Variants in CLOCK observed in about 807,000 individuals in gnomAD.
The protein encoded by CLOCK is clock circadian regulator.
CLOCK carries 43 observed loss-of-function variants against 118.4 expected under a neutral mutation model. That is an observed-to-expected ratio of 0.36 (90% CI 0.28 to 0.47). The LOEUF (loss-of-function observed/expected upper bound fraction) is 0.47, where lower values mean the gene tolerates loss of function less well. Ranked by LOEUF, CLOCK falls within the 20% of genes least tolerant of loss-of-function variation. The pLI, the probability that CLOCK is intolerant of heterozygous loss-of-function variation, is 1.00. For missense variants in CLOCK, 846 were observed against 999.9 expected (o/e 0.85, Z 2.08); for synonymous variants, 326 against 339.2 (o/e 0.96, Z 0.43).
rs1487365947 is a variant in CLOCK at position 55,432,873 on chromosome 4, T to G, written c.*2542A>C. ...CCCGACTATTTGTGGAGATGGGAAA[T>G]AATTGAAGGGGCTGGAGTAGGACAA... On this transcript the variant is annotated 3_prime_UTR_variant, in exon 23 of 23. Transcript: ENST00000513440. The G allele has an allele frequency of 6.6e-6, 1 of 152,532 alleles. No homozygotes were observed. The highest frequency in any genetic ancestry group is 1.5e-5 in the Non-Finnish European group (1 of 68,020). The allele number at this position is 152,532 out of a possible 1,614,324, so 9.4% of individuals were successfully genotyped here.
chr4:55,495,615 C>A (rs987393866), intron 2 of CLOCK, among the ~76,000 whole-genome samples: 36 of 152,100 alleles, frequency 2.4e-4, no homozygotes, highest in African/African-American at 8.5e-4. Context: ...CTTCACTCCA[C>A]GAAGGGTGTG....
At chr4:55,510,824 T>C (rs1040510477) in intron 1 of CLOCK, among the ~76,000 whole-genome samples, 4 of 151,998 alleles carry the variant, frequency 2.6e-5, no homozygotes, top group African/African-American at 7.3e-5. Context: ...AAGTCCAATG[T>C]AGATGTTCAG....
At chr4:55,507,809 G>A (rs1728906590) in intron 2 of CLOCK, among the ~76,000 whole-genome samples, 1 of 152,058 alleles carries the variant, frequency 6.6e-6, no homozygotes, top group Admixed American at 6.6e-5. Flanking sequence ...GACACTTACT[G>A]TGTGCCAAAT....
At chr4:55,511,950 T>C (rs1263977182) in intron 1 of CLOCK, among the ~76,000 whole-genome samples, 2 of 151,952 alleles carry the variant, frequency 1.3e-5, no homozygotes, top group East Asian at 1.9e-4. Context: ...AATTTCTTTT[T>C]GGCACTGAAT....
In CLOCK at chr4:55,433,080, A is replaced by C. The variant is rs1722627961; in HGVS notation, c.*2335T>G. The C allele has an allele frequency of 6.6e-6, 1 of 152,582 alleles. No individual in the cohort carries two copies. Among genetic ancestry groups the C allele is most frequent in the African/African-American group, 2.4e-5 (1 of 41,448 alleles). 9.5% of individuals were successfully genotyped at this position (152,582 alleles called of 1,614,324 possible). A position where few individuals can be genotyped will look rare whatever the true frequency, so the allele number is the denominator to read the frequency against. On this transcript the variant is annotated 3_prime_UTR_variant, in exon 23 of 23. Coordinates refer to ENST00000513440, the MANE Select transcript of CLOCK (RefSeq NM_004898.4). ...ATCACTAGGTATTGCCAATAAATAA[A>C]TGAGGCACAACTCAGATATATATGG...
intron 1 of CLOCK, among the ~76,000 whole-genome samples, chr4:55,511,578 C>G (rs1257799669): frequency 6.6e-6 from 1 of 152,182 alleles, no homozygotes; most frequent in Admixed American, 6.5e-5. Context: ...ACATTCCCCA[C>G]CAGAGTGGTA....
intron 2 of CLOCK, among the ~76,000 whole-genome samples, chr4:55,506,330 A>G (rs1350545258): frequency 6.6e-6 from 1 of 151,994 alleles, no homozygotes; most frequent in Admixed American, 6.6e-5. Context: ...CTAGGGGTGC[A>G]TACCAACACA....
chr4:55,478,478 TA>T (rs1196407610), intron 6 of CLOCK, among the ~76,000 whole-genome samples: 1 of 152,110 alleles, frequency 6.6e-6, no homozygotes, highest in Non-Finnish European at 1.5e-5. Flanking sequence ...TCAACTATTT[TA>T]AAAGTCTCCC....
intron 2 of CLOCK, among the ~76,000 whole-genome samples, chr4:55,508,818 T>A (rs539745025): frequency 9.9e-4 from 150 of 152,240 alleles, no homozygotes; most frequent in Admixed American, 3.2e-3. Context: ...GGTCTCGATA[T>A]CCTGACCTCA....
At chr4:55,490,542 A>G (rs555264446) in intron 2 of CLOCK, among the ~76,000 whole-genome samples, 4 of 152,262 alleles carry the variant, frequency 2.6e-5, no homozygotes, top group Non-Finnish European at 5.9e-5. Context: ...GACTGGTTCC[A>G]GGACCCCCCA....
At chr4:55,470,631 T>TG (rs1560439604) in intron 8 of CLOCK, 86 bp downstream of exon 8, 6 of 914,166 alleles carry the variant, frequency 6.6e-6, no homozygotes, top group Admixed American at 1.8e-5. Flanking sequence ...TGTTGTACAC[T>TG]GCTCTCAAAG....
intron 1 of CLOCK, among the ~76,000 whole-genome samples, chr4:55,519,072 G>T (rs1357249982): frequency 6.6e-6 from 1 of 151,980 alleles, no homozygotes; most frequent in Non-Finnish European, 1.5e-5. Flanking sequence ...ACTTTTACTT[G>T]ATAGGGTTTC....
At chr4:55,477,081 A>G (rs541518413) in intron 6 of CLOCK, among the ~76,000 whole-genome samples, 10 of 152,246 alleles carry the variant, frequency 6.6e-5, no homozygotes, top group Non-Finnish European at 1.2e-4. Context: ...TACATTTGGG[A>G]AAAGGATTTA....
At position 55,511,589 on chromosome 4, in the gene CLOCK, C is replaced by T. The variant is rs142428770; in HGVS notation, c.-289-1524G>A. Among the ~76,000 whole-genome samples the T allele has an allele frequency of 1.5e-4, 23 of 152,298 alleles. No homozygotes were observed. In the East Asian group the frequency reaches 2.3e-3, roughly 15 times the overall value. On this transcript the variant is annotated intron_variant, in intron 1 of 22. Transcript: ENST00000513440. ...TTCAACATTCCCCACCAGAGTGGTACATTTACTACAACTGACAAACCTACA... is the reference window on the plus strand; with the variant it reads ...TTCAACATTCCCCACCAGAGTGGTATATTTACTACAACTGACAAACCTACA...
intron 8 of CLOCK, among the ~76,000 whole-genome samples, chr4:55,469,129 A>AT (rs35057645): frequency 0.018 from 2,701 of 147,410 alleles, 80 homozygotes; most frequent in African/African-American, 0.061. Flanking sequence ...CTCTATTTAC[A>AT]TTTTTTTTTT....
At chr4:55,519,639 G>A (rs1318568252) in intron 1 of CLOCK, among the ~76,000 whole-genome samples, 2 of 151,964 alleles carry the variant, frequency 1.3e-5, no homozygotes, top group Non-Finnish European at 2.9e-5. Flanking sequence ...TTAGCCGGGC[G>A]TGGTGGTGCA....
chr4:55,472,398 G>GA (rs1726208200), intron 7 of CLOCK, among the ~76,000 whole-genome samples: 1 of 152,034 alleles, frequency 6.6e-6, no homozygotes, highest in African/African-American at 2.4e-5. Context: ...GAAGGCATTT[G>GA]AAAAAAGAGC....
rs1577653382 is a variant in CLOCK, at chr4:55,431,210, T to G, written c.*4205A>C. ...ATCCCCAGGCATGAGAGTTGGGTCT[T>G]CTCACCTGTCTCATAAAGCAGCAGC... On this transcript the variant is annotated 3_prime_UTR_variant, in exon 23 of 23. Coordinates refer to ENST00000513440, the MANE Select transcript of CLOCK (RefSeq NM_004898.4). The G allele has an allele frequency of 6.6e-6, 1 of 152,286 alleles. No homozygotes were observed. The highest frequency in any genetic ancestry group is 1.9e-4 in the East Asian group (1 of 5,190). The allele number at this position is 152,286 out of a possible 1,614,324, so 9.4% of individuals were successfully genotyped here.
chr4:55,520,658 G>A (rs1325479439), intron 1 of CLOCK, among the ~76,000 whole-genome samples: 1 of 152,052 alleles, frequency 6.6e-6, no homozygotes, highest in East Asian at 1.9e-4. Flanking sequence ...TCAGTTCTAA[G>A]GAAACAAAGT....
Sources: allele counts gnomAD v4.1 joint callset (sites outside exome capture counted in the v4.1 genomes callset), GRCh38; gene constraint gnomAD v4.1.1; transcripts MANE v1.5; gene names NCBI Gene and HGNC (gene_info 2026-07-23, HGNC 2026-07-21).